The following CPZ variants were observed in gnomAD, a reference collection of about 807,000 sequenced individuals.
The protein encoded by CPZ is carboxypeptidase Z.
In CPZ, 103 loss-of-function variants were observed where a neutral mutation model predicts 61.8. That is an observed-to-expected ratio of 1.67 (90% CI 1.42 to 1.96). The LOEUF is 1.96. Ranked by LOEUF, CPZ falls within the 30% of genes most tolerant of loss-of-function variation. CPZ has a pLI of 0.00. For missense variants in CPZ, 1,461 were observed against 914.9 expected (o/e 1.60, Z -7.70); for synonymous variants, 551 against 373.7 (o/e 1.47, Z -5.47).
At chr4:8,604,265 G>T (rs1475623811) in intron 4 of CPZ, 77 bp downstream of exon 4, 5 of 1,376,518 alleles carry the variant, frequency 3.6e-6, no homozygotes, top group African/African-American at 1.4e-5. Context: ...GGGTGCACAA[G>T]TTGGTGGGGT....
At chr4:8,610,974 ATTCACTCAGTCACTCACTCT>A (rs887808075) in intron 7 of CPZ, among the ~76,000 whole-genome samples, 2 of 151,788 alleles carry the variant, frequency 1.3e-5, no homozygotes, top group Non-Finnish European at 2.9e-5. Flanking sequence ...GCAATCACTC[ATTCACTCAGTCACTCACTCT>A]TTCACTCATT....
At position 8,593,016 on chromosome 4, in the gene CPZ, C is replaced by T. The variant is rs1577104119; in HGVS notation, c.88+95C>T. The stretch of plus-strand genomic sequence containing the variant: ...TCCCAGGGGCCCGGGAGCTTTCTTC[C>T]AGTAGGTCACGCGCCTATGGTCCTG... On this transcript the variant is annotated intron_variant, in intron 1 of 10. Coordinates refer to ENST00000360986, the MANE Select transcript of CPZ (RefSeq NM_001014447.3). 7.4e-6 allele frequency: 7 copies of T among 951,892 alleles called. No homozygotes were observed. In the South Asian group the frequency reaches 8.0e-5, roughly 11 times the overall value. 59.0% of individuals were successfully genotyped at this position (951,892 alleles called of 1,614,324 possible).
At chr4:8,609,227 CTCAT>C (rs74196897) in intron 7 of CPZ, among the ~76,000 whole-genome samples, 5 of 150,362 alleles carry the variant, frequency 3.3e-5, no homozygotes, top group South Asian at 2.1e-4. Context: ...CACTTACTCA[CTCAT>C]TGTCACTCAT....
Position 8,618,454 on chromosome 4 carries a change from T to A in CPZ, c.1529T>A (p.Val510Glu). 6.2e-7 allele frequency: 1 copy of A among 1,614,122 alleles called. No individual in the cohort carries two copies. The highest frequency in any genetic ancestry group is 1.3e-5 in the African/African-American group (1 of 75,044). ...ETVHRGIKGV[V>E]TDKFGKPVKN... Reference sequence around the variant, plus strand: ...GTGCACCGGGGCATCAAAGGTGTGGTGACAGATAAATTCGGCAAGCCAGTC... The same window carrying A: ...GTGCACCGGGGCATCAAAGGTGTGGAGACAGATAAATTCGGCAAGCCAGTC... Residue 510 changes from valine (V) to glutamate (E), a missense_variant, in exon 10 of 11, where the codon GTG (valine) becomes GAG (glutamate). Transcript: ENST00000360986.
intron 9 of CPZ, among the ~76,000 whole-genome samples, chr4:8,616,568 A>G (rs1485535340): frequency 6.6e-6 from 1 of 151,544 alleles, no homozygotes; most frequent in Non-Finnish European, 1.5e-5. Flanking sequence ...GGCTTCCTGG[A>G]GGAGGAGGAG....
chr4:8,597,158 C>G (rs1048529692), intron 1 of CPZ, among the ~76,000 whole-genome samples: 1 of 152,142 alleles, frequency 6.6e-6, no homozygotes, highest in Non-Finnish European at 1.5e-5. Flanking sequence ...GAGTGCAAAC[C>G]CTGCTGCCAG....
At chr4:8,605,697 T>C (rs1436329380) in intron 4 of CPZ, among the ~76,000 whole-genome samples, 1 of 145,764 alleles carries the variant, frequency 6.9e-6, no homozygotes, top group Non-Finnish European at 1.5e-5. Flanking sequence ...CACTTTGACT[T>C]ATTACACAAA....
intron 7 of CPZ, among the ~76,000 whole-genome samples, chr4:8,607,820 C>T (rs1314643809): frequency 6.6e-6 from 1 of 152,126 alleles, no homozygotes; most frequent in Non-Finnish European, 1.5e-5. Context: ...CTGCAGCGCG[C>T]ATGCTGCCCG....
intron 7 of CPZ, among the ~76,000 whole-genome samples, chr4:8,609,063 C>CCCATTCACTCCCTCACTCCCTCCCTCA (rs1715312978): frequency 9.6e-5 from 13 of 134,898 alleles, no homozygotes; most frequent in South Asian, 5.1e-4. Flanking sequence ...TCCCTCACTC[C>CCCATTCACTCCCTCACTCCCTCCCTCA]CTCACTCACC....
intron 1 of CPZ, chr4:8,597,272 G>C (rs1714244557): frequency 6.6e-6 from 1 of 152,200 alleles, no homozygotes; most frequent in Admixed American, 6.5e-5. Flanking sequence ...CCTTTTATCT[G>C]CTCTTCCCAA....
chr4:8,612,194 GGGTGGGGGGT>G, intron 8 of CPZ, 32 bp downstream of exon 8: 3 of 371,806 alleles, frequency 8.1e-6, no homozygotes, highest in Non-Finnish European at 1.4e-5. Flanking sequence ...ACTGGGCGGG[GGGTGGGGGGT>G]GCAGGGGCTG....
intron 7 of CPZ, among the ~76,000 whole-genome samples, chr4:8,609,677 AGT>A (rs532961926): frequency 1.5e-3 from 235 of 152,322 alleles, no homozygotes; most frequent in Middle Eastern, 6.8e-3. Context: ...GCACTGGCCC[AGT>A]GTGTCTCAGC....
chr4:8,605,525 CATT>C (rs1013487726), intron 4 of CPZ, among the ~76,000 whole-genome samples: 7 of 152,096 alleles, frequency 4.6e-5, no homozygotes, highest in Non-Finnish European at 8.8e-5. Context: ...ATCCATCCAT[CATT>C]GATTTATCCA....
Position 8,601,189 on chromosome 4 carries a change from A to C in CPZ, c.188A>C (p.Asn63Thr), listed in dbSNP as rs773908875. 8 of 1,611,638 alleles carry C rather than the reference A, an allele frequency of 5.0e-6. No individual in the cohort carries two copies. Among genetic ancestry groups the C allele is most frequent in the Middle Eastern group, 1.7e-4 (1 of 6,050 alleles). Reference protein sequence around the residue: ...DAAYNHTTFPNLLQHRSWEVV... With the variant: ...DAAYNHTTFPTLLQHRSWEVV... ...GCCTACAACCACACCACCTTCCCCAACCTGCTTCAGCACCGGTCGTGGGAG... is the reference window on the plus strand; with the variant it reads ...GCCTACAACCACACCACCTTCCCCACCCTGCTTCAGCACCGGTCGTGGGAG... Residue 63 changes from asparagine (N) to threonine (T), a missense_variant, in exon 3 of 11, where the codon AAC (asparagine) becomes ACC (threonine). By Grantham distance (65) the Asn-to-Thr change is moderately conservative. Transcript: ENST00000360986.
rs767759975 is a variant in CPZ, at chr4:8,619,593, G to C, written c.1935G>C (p.Arg645Ser). ...ACTTCACATCGCTGAGCACCCACAGGCCACGCTGGCTGCTCAAGTACTAGC... is the reference window on the plus strand; with the variant it reads ...ACTTCACATCGCTGAGCACCCACAGCCCACGCTGGCTGCTCAAGTACTAGC... ...WSYFTSLSTH[R>S]PRWLLKY The change falls in exon 11 of 11, where the codon AGG (arginine) becomes AGC (serine). Residue 645 changes from arginine to serine, a missense_variant. Physicochemically the swap from Arg to Ser is moderately radical, Grantham distance 110. Transcript: ENST00000360986. The C allele has an allele frequency of 1.3e-6, 2 of 1,509,696 alleles. No individual in the cohort carries two copies. Among genetic ancestry groups the C allele is most frequent in the Non-Finnish European group, 1.8e-6 (2 of 1,129,610 alleles). 93.5% of individuals were successfully genotyped at this position (1,509,696 alleles called of 1,614,324 possible).
Position 8,612,010 on chromosome 4 carries a change from C to G in CPZ, c.1228-17C>G. The G allele has an allele frequency of 6.2e-7, 1 of 1,613,838 alleles. No individual in the cohort carries two copies. The highest frequency in any genetic ancestry group is 8.5e-7 in the Non-Finnish European group (1 of 1,179,972). On this transcript the variant is annotated splice_polypyrimidine_tract_variant and intron_variant, in intron 7 of 10. Transcript: ENST00000360986. ...GCAGGGGACCCTTTCCTTATCTGAG[C>G]CAGGTTTCTTTTCCAGATGTTCAAG...
Position 8,619,558 on chromosome 4 carries a change from T to G in CPZ, c.1900T>G (p.Trp634Gly), listed in dbSNP as rs948788093. Reference protein sequence around the residue: ...QPSADGSKPWWWSYFTSLSTH... With the variant: ...QPSADGSKPWGWSYFTSLSTH... ...CTCGGCCGACGGGAGTAAGCCCTGG[T>G]GGTGGTCCTACTTCACATCGCTGAG... Residue 634 changes from tryptophan (W) to glycine (G), a missense_variant, in exon 11 of 11, where the codon TGG (tryptophan) becomes GGG (glycine). Transcript: ENST00000360986. 1.3e-6 allele frequency: 2 copies of G among 1,551,040 alleles called. No individual in the cohort carries two copies. The highest frequency in any genetic ancestry group is 1.7e-6 in the Non-Finnish European group (2 of 1,148,320).
In CPZ at chr4:8,606,105, A is replaced by C. The variant is rs1455078680; in HGVS notation, c.826A>C (p.Ile276Leu). Reference protein sequence around the residue: ...CSEYLLGNPRIQRLLNTTRIH... With the variant: ...CSEYLLGNPRLQRLLNTTRIH... The stretch of plus-strand genomic sequence containing the variant: ...TGAGTACCTGCTTGGTAACCCCCGC[A>C]TCCAGCGCCTGCTCAACACCACCCG... The change falls in exon 5 of 11, where the codon ATC becomes CTC. Residue 276 changes from isoleucine (I) to leucine (L), a missense_variant. Transcript: ENST00000360986. 1 of 1,614,164 alleles carries C rather than the reference A, an allele frequency of 6.2e-7. No homozygotes were observed.
chr4:8,596,076 T>C (rs9799431), intron 1 of CPZ, among the ~76,000 whole-genome samples: 55,284 of 150,648 alleles, frequency 0.37, 11,039 homozygotes, highest in African/African-American at 0.52. Context: ...TTTTTCAAGA[T>C]AGAGTCTCTC....
Sources: allele counts gnomAD v4.1 joint callset (sites outside exome capture counted in the v4.1 genomes callset), GRCh38; gene constraint gnomAD v4.1.1; transcripts MANE v1.5; gene names NCBI Gene and HGNC (gene_info 2026-07-23, HGNC 2026-07-21).